Variants in HMGCS2 observed in about 807,000 individuals in gnomAD.
The protein encoded by HMGCS2 is hydroxymethylglutaryl-CoA synthase, mitochondrial.
A neutral mutation model predicts 57.4 loss-of-function variants in HMGCS2; 50 were observed. The observed-to-expected ratio is 0.87, with a 90% CI of 0.69 to 1.10. HMGCS2 has a LOEUF of 1.10. Ranked by LOEUF, HMGCS2 falls within the 50% of genes least tolerant of loss-of-function variation. The pLI, the probability that HMGCS2 is intolerant of heterozygous loss-of-function variation, is 0.00. For missense variants in HMGCS2, 627 were observed against 636.5 expected, an observed-to-expected ratio of 0.99 and a Z score of 0.16; for synonymous variants, 254 against 245.1, an observed-to-expected ratio of 1.04 and a Z score of -0.34.
intron 1 of HMGCS2, among the ~76,000 whole-genome samples, chr1:119,765,035 A>G (rs1235517226): frequency 6.6e-6 from 1 of 152,304 alleles, no homozygotes; most frequent in African/African-American, 2.4e-5. Context: ...TTTTAATTTG[A>G]GTATTTCATC....
intron 9 of HMGCS2, 34 bp from the exon 10 acceptor site, chr1:119,748,875 C>T (rs112686526): frequency 1.3e-5 from 2 of 152,302 alleles, no homozygotes; most frequent in South Asian, 4.1e-4. Flanking sequence ...AATCATGGGT[C>T]TCCTCTTGGG....
rs756658111 is a variant in HMGCS2 at position 119,764,521 on chromosome 1, T to C, written c.210A>G (p.Gln70=). The part of the protein sequence containing the change: ...EVYFPAQYVD[Q]TDLEKYNNVE... Reference sequence around the variant, plus strand: ...CATTGTTATACTTCTCCAGGTCAGTTTGGTCCACATATTGGGCTGGGAAGT... The same window carrying C: ...CATTGTTATACTTCTCCAGGTCAGTCTGGTCCACATATTGGGCTGGGAAGT... The change falls in exon 2 of 10, where the codon CAA becomes CAG. Residue 70 remains glutamine (Q), a synonymous_variant. Transcript: ENST00000369406. 12 of 1,613,848 alleles carry C rather than the reference T, an allele frequency of 7.4e-6. No homozygotes were observed. In the South Asian group the frequency reaches 8.8e-5, roughly 12 times the overall value.
rs1190133412 is a variant in HMGCS2 at position 119,759,163 on chromosome 1, A to G, written c.805T>C (p.Cys269Arg). The G allele has an allele frequency of 1.4e-5, 22 of 1,614,060 alleles. No homozygotes were observed. The highest frequency in any genetic ancestry group is 1.8e-5 in the Non-Finnish European group (21 of 1,180,024). ...ATTTTTTTACGGTATGATGTGTAAC[A>G]TCGATCCAAGGCCCGCAAGTAGCAC... ...IQCYLRALDR[C>R]YTSYRKKIQN... Residue 269 changes from cysteine to arginine, a missense_variant, in exon 4 of 10, where the codon TGT (cysteine) becomes CGT (arginine). Coordinates refer to ENST00000369406, the MANE Select transcript of HMGCS2 (RefSeq NM_005518.4).
At chr1:119,755,375 G>T in intron 6 of HMGCS2, 52 bp downstream of exon 6, 1 of 1,550,302 alleles carries the variant, frequency 6.5e-7, no homozygotes, top group South Asian at 1.1e-5. Context: ...AGCCCACGGG[G>T]GCGGAGGCTG....
rs1420068119 is a variant in HMGCS2, at chr1:119,764,482, C to A, written c.249G>T (p.Lys83Asn). ...LEKYNNVEAG[K>N]YTVGLGQTRM... ...GGGTCTGGCCCAAGCCCACTGTATACTTTCCTGCTTCCACATTGTTATACT... is the reference window on the plus strand; with the variant it reads ...GGGTCTGGCCCAAGCCCACTGTATAATTTCCTGCTTCCACATTGTTATACT... Residue 83 changes from lysine (K) to asparagine (N), a missense_variant, in exon 2 of 10, where the codon AAG becomes AAT. Physicochemically the swap from Lys to Asn is moderately conservative, Grantham distance 94 (BLOSUM62 0). Coordinates refer to ENST00000369406, the MANE Select transcript of HMGCS2 (RefSeq NM_005518.4). 3 of 1,612,426 alleles carry A rather than the reference C, an allele frequency of 1.9e-6. No individual in the cohort carries two copies. Among genetic ancestry groups the A allele is most frequent in the Non-Finnish European group, 1.7e-6 (2 of 1,178,676 alleles).
intron 6 of HMGCS2, 103 bp downstream of exon 6, chr1:119,755,324 A>G: frequency 8.6e-7 from 1 of 1,156,328 alleles, no homozygotes; most frequent in South Asian, 1.2e-5. Context: ...TTTCTTTTAA[A>G]TTTCTGAGCC....
intron 1 of HMGCS2, 93 bp from the exon 2 acceptor site, chr1:119,764,719 A>G (rs1653162028): frequency 2.0e-6 from 2 of 983,776 alleles, no homozygotes; most frequent in East Asian, 5.2e-5. Flanking sequence ...TTAATTTTCT[A>G]TATTTTGAAG....
chr1:119,763,742 G>A (rs587754950), intron 2 of HMGCS2, among the ~76,000 whole-genome samples: 3 of 152,342 alleles, frequency 2.0e-5, no homozygotes, highest in African/African-American at 7.2e-5. Flanking sequence ...TTCTATGAAG[G>A]TGTTTTTTTC....
At chr1:119,760,088 A>G (rs1652991677) in intron 2 of HMGCS2, 99 bp from the exon 3 acceptor site, 3 of 1,089,534 alleles carry the variant, frequency 2.8e-6, no homozygotes, top group Non-Finnish European at 4.1e-6. Flanking sequence ...CTGGATATAG[A>G]GTGATAAACA....
At chr1:119,757,463 G>T in intron 4 of HMGCS2, 25 bp from the exon 5 acceptor site, 4 of 1,614,106 alleles carry the variant, frequency 2.5e-6, no homozygotes, top group Non-Finnish European at 3.4e-6. Flanking sequence ...GTGAAGGCAA[G>T]GATGGGGCAT....
chr1:119,757,100 T>C (rs1027933607), intron 5 of HMGCS2, among the ~76,000 whole-genome samples, 173 bp downstream of exon 5: 2 of 152,170 alleles, frequency 1.3e-5, no homozygotes, highest in African/African-American at 4.8e-5. Context: ...TGGAGGGCCC[T>C]ACCCAGACAA....
Position 119,748,320 on chromosome 1 carries a change from C to T in HMGCS2, c.*527G>A, listed in dbSNP as rs781321001. 1 of 152,256 alleles carries T rather than the reference C, an allele frequency of 6.6e-6. No homozygotes were observed. Among genetic ancestry groups the T allele is most frequent in the Non-Finnish European group, 1.5e-5 (1 of 68,048 alleles). The allele number at this position is 152,256 out of a possible 1,614,324, so 9.4% of individuals were successfully genotyped here. ...CAGCCCTCTGACCCACAAGGTCTAG[C>T]AGGCTTGCTGCATGTTAGGCTGGGT... On this transcript the variant is annotated 3_prime_UTR_variant, in exon 10 of 10. Transcript: ENST00000369406.
At chr1:119,763,062 C>G (rs587594841) in intron 2 of HMGCS2, among the ~76,000 whole-genome samples, 1 of 152,126 alleles carries the variant, frequency 6.6e-6, no homozygotes, top group African/African-American at 2.4e-5. Context: ...ACTTTAAGAA[C>G]AGACTTGATG....
chr1:119,765,151 C>A (rs775542283), intron 1 of HMGCS2, among the ~76,000 whole-genome samples: 30 of 152,294 alleles, frequency 2.0e-4, no homozygotes, highest in Non-Finnish European at 3.8e-4. Flanking sequence ...CTCTGTCACC[C>A]AAGCTGGAGT....
At chr1:119,751,147 G>A (rs1268437299) in intron 8 of HMGCS2, among the ~76,000 whole-genome samples, 2 of 152,102 alleles carry the variant, frequency 1.3e-5, no homozygotes, top group Non-Finnish European at 2.9e-5. Flanking sequence ...TTTATTATAA[G>A]AGTACAACAT....
chr1:119,761,841 C>T (rs1296294994), intron 2 of HMGCS2, among the ~76,000 whole-genome samples: 1 of 152,046 alleles, frequency 6.6e-6, no homozygotes, highest in East Asian at 1.9e-4. Flanking sequence ...TAGAAATATT[C>T]AAGATTTCTT....
Position 119,757,431 on chromosome 1 carries a change from G to C in HMGCS2, c.858C>G (p.Ser286Arg). ...AATCGTCAAGGGTGAAGGGTCGATC[G>C]CTGCCAGCTGGAAGAGGAAGCGTGA... ...KIQNQWKQAG[S>R]DRPFTLDDLQ... Residue 286 changes from serine to arginine, a missense_variant, in exon 5 of 10, where the codon AGC (serine) becomes AGG (arginine). Coordinates refer to ENST00000369406, the MANE Select transcript of HMGCS2 (RefSeq NM_005518.4). 6.2e-7 allele frequency: 1 copy of C among 1,613,822 alleles called. No homozygotes were observed. The highest frequency in any genetic ancestry group is 1.7e-5 in the Admixed American group (1 of 60,028).
Position 119,764,207 on chromosome 1 carries a change from T to C in HMGCS2, c.524A>G (p.Asn175Ser), listed in dbSNP as rs1653132393. 6.2e-7 allele frequency: 1 copy of C among 1,613,620 alleles called. No individual in the cohort carries two copies. Among genetic ancestry groups the C allele is most frequent in the African/African-American group, 1.3e-5 (1 of 74,924 alleles). ...ACYGGTASLFNAANWMESSSW... is the reference protein window; with the variant it reads ...ACYGGTASLFSAANWMESSSW... The stretch of plus-strand genomic sequence containing the variant: ...ACTGGACTCCATCCAGTTGGCAGCA[T>C]TGAAGAGGGAGGCAGTACCACCGTA... Residue 175 changes from asparagine (N) to serine (S), a missense_variant, in exon 2 of 10, where the codon AAT becomes AGT. Physicochemically the swap from Asn to Ser is conservative, Grantham distance 46 (BLOSUM62 1). Coordinates refer to ENST00000369406, the MANE Select transcript of HMGCS2 (RefSeq NM_005518.4).
At chr1:119,765,457 C>T (rs949951549) in intron 1 of HMGCS2, among the ~76,000 whole-genome samples, 3 of 152,116 alleles carry the variant, frequency 2.0e-5, no homozygotes, top group African/African-American at 7.2e-5. Flanking sequence ...TTTATTCCTC[C>T]TTTCCCATAT....
Sources: gnomAD v4.1 joint callset for allele counts (sites outside exome capture counted in the v4.1 genomes callset) on GRCh38, gnomAD v4.1.1 for gene constraint, MANE v1.5 for transcripts, NCBI Gene and HGNC (gene_info 2026-07-23, HGNC 2026-07-21) for gene names.